Variants in MAP3K20 observed in about 807,000 individuals in gnomAD.
MAP3K20 encodes the protein mitogen-activated protein kinase kinase kinase 20.
MAP3K20 carries 40 observed loss-of-function variants against 85.7 expected under a neutral mutation model. The ratio of observed to expected loss-of-function variants is 0.47; its 90% confidence interval spans 0.36 to 0.61. The LOEUF (loss-of-function observed/expected upper bound fraction) is 0.61. Among genes scored for constraint, MAP3K20 ranks in the 20% least tolerant of loss-of-function variants. MAP3K20 has a pLI of 0.00. For missense variants in MAP3K20, 817 were observed against 961.7 expected, an observed-to-expected ratio of 0.85 and a Z score of 1.99; for synonymous variants, 325 against 327.7, an observed-to-expected ratio of 0.99 and a Z score of 0.09.
intron 15 of MAP3K20, 60 bp from the exon 16 acceptor site, chr2:173,239,344 T>C: frequency 7.2e-7 from 1 of 1,393,638 alleles, no homozygotes; most frequent in Non-Finnish European, 9.7e-7. Flanking sequence ...GATATCATCT[T>C]CTTTACATGA....
intron 16 of MAP3K20, among the ~76,000 whole-genome samples, chr2:173,253,331 TA>T (rs1382965784): frequency 6.6e-6 from 1 of 152,242 alleles, no homozygotes; most frequent in Admixed American, 6.5e-5. Flanking sequence ...TACATTATCT[TA>T]ATCTTCACAT....
chr2:173,186,611 T>G (rs1007413731), intron 4 of MAP3K20, among the ~76,000 whole-genome samples: 1 of 152,162 alleles, frequency 6.6e-6, no homozygotes, highest in African/African-American at 2.4e-5. Flanking sequence ...AGCCTCTTAT[T>G]AAATTATTTT....
In MAP3K20 at chr2:173,266,120, C is replaced by T. The variant is rs766700547; in HGVS notation, c.1773C>T (p.Ser591=). ...CATCCAACACTTCTTTACAGCGTTC[C>T]CAGAGCAATCCTATTCTGGGGTCAC... The part of the protein sequence containing the change: ...QIASNTSLQR[S]QSNPILGSPF... Residue 591 remains serine, a synonymous_variant, in exon 20 of 20, where the codon TCC becomes TCT. Transcript: ENST00000375213. 16 of 1,611,934 alleles carry T rather than the reference C, an allele frequency of 9.9e-6. No homozygotes were observed. Among genetic ancestry groups the T allele is most frequent in the Admixed American group, 6.7e-5 (4 of 59,686 alleles).
At chr2:173,133,637 G>A (rs1688678559) in intron 2 of MAP3K20, among the ~76,000 whole-genome samples, 1 of 152,122 alleles carries the variant, frequency 6.6e-6, no homozygotes, top group Admixed American at 6.5e-5. Context: ...AAATGACGTG[G>A]TGGGCTTGTT....
At chr2:173,171,391 C>T (rs1012900945) in intron 3 of MAP3K20, among the ~76,000 whole-genome samples, 3 of 152,128 alleles carry the variant, frequency 2.0e-5, no homozygotes, top group African/African-American at 7.2e-5. Context: ...AACTCTGTTT[C>T]TTATTATATA....
intron 2 of MAP3K20, among the ~76,000 whole-genome samples, chr2:173,133,421 A>G (rs1688672853): frequency 6.6e-6 from 1 of 152,202 alleles, no homozygotes; most frequent in African/African-American, 2.4e-5. Context: ...TGATTTAGAG[A>G]GTGAGAGTCA....
intron 2 of MAP3K20, among the ~76,000 whole-genome samples, chr2:173,164,307 G>C (rs148367770): frequency 5.9e-5 from 9 of 152,282 alleles, no homozygotes; most frequent in African/African-American, 2.2e-4. Context: ...CTAATGATTA[G>C]AGATGTTGGG....
At chr2:173,119,576 G>C (rs946220580) in intron 2 of MAP3K20, among the ~76,000 whole-genome samples, 84 of 152,198 alleles carry the variant, frequency 5.5e-4, no homozygotes, top group African/African-American at 1.8e-3. Context: ...ACAGGGCCTA[G>C]CTCCAGTATC....
At chr2:173,180,411 A>G (rs1690290349) in intron 3 of MAP3K20, among the ~76,000 whole-genome samples, 2 of 152,120 alleles carry the variant, frequency 1.3e-5, no homozygotes, top group South Asian at 4.2e-4. Context: ...GGTGGCTCAC[A>G]CCTGTAATTC....
In MAP3K20 at chr2:173,236,266, TAAAAA is replaced by T. The variant is rs67764486; in HGVS notation, c.1204-2086_1204-2082del. Among the ~76,000 whole-genome samples the T allele has an allele frequency of 1.4e-4, 9 of 64,724 alleles. No individual in the cohort carries two copies. The South Asian group carries it at 1.9e-3, about 14-fold the overall frequency. 42.5% of individuals were successfully genotyped at this position (64,724 alleles called of 152,430 possible). On this transcript the variant is annotated intron_variant, in intron 14 of 19. Coordinates refer to ENST00000375213, the MANE Select transcript of MAP3K20 (RefSeq NM_016653.3). ...CTGGGCAATAGAGTGAGACCCTGTC[TAAAAA>T]AAAAAAAAAAAAAAAAAAAAGGCAG...
intron 3 of MAP3K20, among the ~76,000 whole-genome samples, chr2:173,180,308 C>G (rs967400772): frequency 2.0e-5 from 3 of 152,154 alleles, no homozygotes; most frequent in Non-Finnish European, 4.4e-5. Flanking sequence ...GGGAAAAAGC[C>G]TCACATTGAT....
rs530317186 is a variant in MAP3K20, at chr2:173,267,190, T to C, written c.*440T>C. On this transcript the variant is annotated 3_prime_UTR_variant, in exon 20 of 20. Transcript: ENST00000375213. ...TGGCAAGGCACTGTTACTGATCTTG[T>C]CTTTAACATTTTGATATTTTGTTCA... The C allele has an allele frequency of 6.5e-6, 1 of 153,258 alleles. No individual in the cohort carries two copies. The highest frequency in any genetic ancestry group is 2.1e-4 in the South Asian group (1 of 4,836). The allele number at this position is 153,258 out of a possible 1,614,324, so 9.5% of individuals were successfully genotyped here. A position where few individuals can be genotyped will look rare whatever the true frequency, so the allele number is the denominator to read the frequency against.
chr2:173,220,067 C>CAA lies in MAP3K20; in HGVS notation c.987+2827_987+2828dup, dbSNP rs71018543. On this transcript the variant is annotated intron_variant, in intron 11 of 19. Transcript: ENST00000375213. ...TGGGCAACAGTGCTAGACTCTGTCT[C>CAA]AAAAAAAAAAAGGAAACTGATCCTG... 1.8e-3 allele frequency among the ~76,000 whole-genome samples: 202 copies of CAA among 114,222 alleles called. 5 individuals are homozygous for CAA. Among genetic ancestry groups the CAA allele is most frequent in the Admixed American group, 4.5e-3 (48 of 10,734 alleles). 74.9% of individuals were successfully genotyped at this position (114,222 alleles called of 152,430 possible).
At chr2:173,222,865 G>C in intron 11 of MAP3K20, 1 of 985,340 alleles carries the variant, frequency 1.0e-6, no homozygotes. Flanking sequence ...GTTTGTCAAA[G>C]CTTGTTTAAA....
chr2:173,233,450 T>A (rs1415188729), intron 14 of MAP3K20, among the ~76,000 whole-genome samples: 3 of 152,210 alleles, frequency 2.0e-5, no homozygotes, highest in Non-Finnish European at 2.9e-5. Context: ...TTGTTTGTTT[T>A]TGTTTTTTCA....
At chr2:173,207,094 C>G (rs760842153) in intron 9 of MAP3K20, among the ~76,000 whole-genome samples, 5 of 151,710 alleles carry the variant, frequency 3.3e-5, no homozygotes, top group Non-Finnish European at 5.9e-5. Context: ...TCAAGTCCTT[C>G]TAGTGGCTTA....
intron 2 of MAP3K20, among the ~76,000 whole-genome samples, chr2:173,096,885 A>G (rs1687477533): frequency 6.6e-6 from 1 of 152,216 alleles, no homozygotes; most frequent in Non-Finnish European, 1.5e-5. Context: ...ACCAAAGGTA[A>G]GAAAGGAAGC....
Position 173,266,044 on chromosome 2 carries a change from C to T in MAP3K20, c.1703-6C>T, listed in dbSNP as rs1173138401. 2.6e-6 allele frequency: 4 copies of T among 1,553,878 alleles called. No homozygotes were observed. The highest frequency in any genetic ancestry group is 3.5e-6 in the Non-Finnish European group (4 of 1,146,246). ...TAAAAGATGCTCATTTCCATTTCTC[C>T]CGCAGGTGCTGATTGCCAGTGGTTA... is the stretch of plus-strand genomic sequence containing the variant. On this transcript the variant is annotated splice_polypyrimidine_tract_variant and splice_region_variant and intron_variant, in intron 19 of 19. Coordinates refer to ENST00000375213, the MANE Select transcript of MAP3K20 (RefSeq NM_016653.3).
chr2:173,222,915 C>G (rs1684289690), intron 11 of MAP3K20: 1 of 984,996 alleles, frequency 1.0e-6, no homozygotes, highest in African/African-American at 1.7e-5. Context: ...GGCAAAAGAA[C>G]TAAGACTTTT....
Sources: gnomAD v4.1 joint callset for allele counts (sites outside exome capture counted in the v4.1 genomes callset) on GRCh38, gnomAD v4.1.1 for gene constraint, MANE v1.5 for transcripts, NCBI Gene and HGNC (gene_info 2026-07-23, HGNC 2026-07-21) for gene names.